The following MAPKAP1 variants were observed in gnomAD, a reference collection of about 807,000 sequenced individuals.
MAPKAP1 encodes MAPK associated protein 1.
Under a neutral mutation model 65.7 loss-of-function variants are expected in MAPKAP1, and 20 were observed. That is an observed-to-expected ratio of 0.30 (90% confidence interval 0.21 to 0.44). The LOEUF is 0.44. MAPKAP1 is among the 20% of genes least tolerant of loss of function. MAPKAP1 has a pLI of 1.00. For synonymous variants in MAPKAP1, 222 were observed against 244.3 expected (o/e 0.91, Z 0.85); for missense variants, 423 against 648.0 (o/e 0.65, Z 3.77).
chr9:125,676,128 A>G (rs1479669752), intron 1 of MAPKAP1, among the ~76,000 whole-genome samples: 1 of 152,226 alleles, frequency 6.6e-6, no homozygotes, highest in East Asian at 1.9e-4. Context: ...GCAAGGGTTC[A>G]GAGAAATGGG....
intron 1 of MAPKAP1, among the ~76,000 whole-genome samples, chr9:125,676,938 C>T (rs768536863): frequency 2.0e-5 from 3 of 152,138 alleles, no homozygotes; most frequent in Non-Finnish European, 4.4e-5. Context: ...TATGACTCTC[C>T]AAGAGGGAGG....
chr9:125,456,207 T>A (rs917139900), intron 10 of MAPKAP1, among the ~76,000 whole-genome samples: 1 of 152,242 alleles, frequency 6.6e-6, no homozygotes, highest in Non-Finnish European at 1.5e-5. Flanking sequence ...TTGATTATAA[T>A]GTGCCTTGGT....
chr9:125,472,872 T>C (rs1484158965), intron 9 of MAPKAP1, among the ~76,000 whole-genome samples: 1 of 152,212 alleles, frequency 6.6e-6, no homozygotes, highest in Non-Finnish European at 1.5e-5. Context: ...TCCTTTCCTT[T>C]TCTGTATTTT....
At chr9:125,612,138 A>G (rs1415305060) in intron 4 of MAPKAP1, among the ~76,000 whole-genome samples, 2 of 152,172 alleles carry the variant, frequency 1.3e-5, no homozygotes, top group East Asian at 3.8e-4. Context: ...TTATTTTTTG[A>G]TACATGAGTT....
At chr9:125,446,566 G>C (rs1852723188) in intron 10 of MAPKAP1, among the ~76,000 whole-genome samples, 3 of 152,128 alleles carry the variant, frequency 2.0e-5, no homozygotes, top group African/African-American at 4.8e-5. Flanking sequence ...GGGCACCTTT[G>C]TTGGCCATGC....
At chr9:125,484,108 C>T in intron 9 of MAPKAP1, among the ~76,000 whole-genome samples, 1 of 152,094 alleles carries the variant, frequency 6.6e-6, no homozygotes, top group East Asian at 1.9e-4. Context: ...GAGTTAAGAA[C>T]AGGCAGGTGG....
rs933414974 is a variant in MAPKAP1 at position 125,506,292 on chromosome 9, G to A, written c.1066+18C>T. On this transcript the variant is annotated intron_variant, in intron 8 of 11. Coordinates refer to ENST00000265960, the MANE Select transcript of MAPKAP1 (RefSeq NM_001006617.3). ...TTGCAACGGACAAAGCGGGCATGGA[G>A]CGAGGCGGCCAACGTACTGTTCTCG... The A allele has an allele frequency of 1.4e-5, 23 of 1,603,272 alleles. No individual in the cohort carries two copies. The highest frequency in any genetic ancestry group is 1.9e-5 in the Non-Finnish European group (22 of 1,170,334).
chr9:125,564,844 C>T (rs2131519067), intron 5 of MAPKAP1, among the ~76,000 whole-genome samples: 2 of 152,128 alleles, frequency 1.3e-5, no homozygotes, highest in Middle Eastern at 6.8e-3. Flanking sequence ...GAAGCAGAGA[C>T]CTAAAAGTCC....
intron 6 of MAPKAP1, among the ~76,000 whole-genome samples, chr9:125,550,284 C>T (rs1315732932): frequency 6.6e-6 from 1 of 152,084 alleles, no homozygotes; most frequent in East Asian, 1.9e-4. Flanking sequence ...ATGTACATAG[C>T]AGCAGCTGAC....
At chr9:125,640,824 T>C (rs1464833854) in intron 4 of MAPKAP1, among the ~76,000 whole-genome samples, 7 of 152,238 alleles carry the variant, frequency 4.6e-5, no homozygotes, top group Non-Finnish European at 5.9e-5. Context: ...AAGCTGAAGC[T>C]ATTATTTTCT....
intron 8 of MAPKAP1, among the ~76,000 whole-genome samples, chr9:125,486,920 C>T (rs925586877): frequency 2.6e-5 from 4 of 152,120 alleles, no homozygotes; most frequent in Non-Finnish European, 4.4e-5. Context: ...CTTCTGTCCC[C>T]GTATCCTGCA....
intron 5 of MAPKAP1, among the ~76,000 whole-genome samples, chr9:125,579,965 G>T (rs1179804207): frequency 6.6e-6 from 1 of 152,172 alleles, no homozygotes; most frequent in Admixed American, 6.5e-5. Context: ...TATAATTGTA[G>T]TCCAATATCA....
chr9:125,665,358 T>A (rs529836091), intron 3 of MAPKAP1, among the ~76,000 whole-genome samples: 3 of 152,062 alleles, frequency 2.0e-5, no homozygotes, highest in African/African-American at 7.2e-5. Flanking sequence ...GTGGCTAACA[T>A]ACTATATACC....
At chr9:125,484,967 T>C (rs1353132634) in intron 8 of MAPKAP1, among the ~76,000 whole-genome samples, 1 of 152,124 alleles carries the variant, frequency 6.6e-6, no homozygotes, top group Non-Finnish European at 1.5e-5. Flanking sequence ...GTAATCCACA[T>C]TCCTTGAAGA....
intron 3 of MAPKAP1, 62 bp downstream of exon 3, chr9:125,669,756 T>A: frequency 1.2e-6 from 1 of 831,756 alleles, no homozygotes; most frequent in Non-Finnish European, 1.9e-6. Context: ...AAAATAAAAG[T>A]TCTTATATAA....
intron 4 of MAPKAP1, among the ~76,000 whole-genome samples, chr9:125,641,807 A>T (rs924370289): frequency 1.3e-5 from 2 of 151,052 alleles, no homozygotes; most frequent in Non-Finnish European, 3.0e-5. Context: ...CGAGGCAGGC[A>T]GCTCACTTGA....
intron 6 of MAPKAP1, among the ~76,000 whole-genome samples, chr9:125,552,228 T>A (rs1184407680): frequency 6.6e-6 from 1 of 152,198 alleles, no homozygotes; most frequent in Non-Finnish European, 1.5e-5. Flanking sequence ...ATTACCAGGC[T>A]CCTAATTTGC....
chr9:125,447,556 G>A lies in MAPKAP1; in HGVS notation c.1346-2958C>T, dbSNP rs1204886469. The A allele has an allele frequency of 2.2e-6, 1 of 446,126 alleles. No individual in the cohort carries two copies. 27.6% of individuals were successfully genotyped at this position (446,126 alleles called of 1,614,324 possible). A position where few individuals can be genotyped will look rare whatever the true frequency, so the allele number is the denominator to read the frequency against. On this transcript the variant is annotated intron_variant, in intron 10 of 11. Coordinates refer to ENST00000265960, the MANE Select transcript of MAPKAP1 (RefSeq NM_001006617.3). This position sits in a 1 kb window ranked among gnomAD's most constrained non-coding sequence, Gnocchi z 4.5. ...ATAGGACATGGGGCGGACTCACTCC[G>A]CGGGCGTTTCTGCCCCGAGTTCCCC...
chr9:125,639,417 G>A (rs1449831089), intron 4 of MAPKAP1, among the ~76,000 whole-genome samples: 1 of 152,206 alleles, frequency 6.6e-6, no homozygotes, highest in South Asian at 2.1e-4. Flanking sequence ...TCACAAGGCT[G>A]TTTTGAGAAT....
Sources: allele counts gnomAD v4.1 joint callset (sites outside exome capture counted in the v4.1 genomes callset), GRCh38; gene constraint gnomAD v4.1.1; non-coding constraint Gnocchi (gnomAD v3.1); transcripts MANE v1.5; gene names NCBI Gene and HGNC (gene_info 2026-07-23, HGNC 2026-07-21).